Variants in BTN1A1 observed in about 807,000 individuals in gnomAD.
BTN1A1 encodes the protein bK14H9.2 (butyrophilin, subfamily 1, member A1).
Under a neutral mutation model 33.1 loss-of-function variants are expected in BTN1A1, and 26 were observed. That is an observed-to-expected ratio of 0.79 (90% CI 0.58 to 1.09). The LOEUF (loss-of-function observed/expected upper bound fraction) is 1.09, where lower values mean the gene tolerates loss of function less well. Ranked by LOEUF, BTN1A1 falls within the 50% of genes least tolerant of loss-of-function variation. The pLI, the probability that BTN1A1 is intolerant of heterozygous loss-of-function variation, is 0.00. For missense variants in BTN1A1, 558 were observed against 655.7 expected (o/e 0.85, Z 1.63); for synonymous variants, 235 against 256.2 (o/e 0.92, Z 0.79).
At position 26,505,175 on chromosome 6, in the gene BTN1A1, C is replaced by A. The variant is rs3736782; in HGVS notation, c.678C>A (p.Gly226=). The A allele has an allele frequency of 0.49, 784,698 of 1,611,262 alleles. 194,102 individuals are homozygous for A. Among genetic ancestry groups the A allele is most frequent in the East Asian group, 0.73 (32,934 of 44,834 alleles). ...VSCYIQNLLL[G]QEKKVEISIP... is the part of the protein sequence containing the mutation. Reference sequence around the variant, plus strand: ...GCTACATCCAGAATCTCCTTCTTGGCCAGGAGAAGAAAGTAGAAATATCCA... The same window carrying A: ...GCTACATCCAGAATCTCCTTCTTGGACAGGAGAAGAAAGTAGAAATATCCA... The change falls in exon 4 of 8, where the codon GGC becomes GGA. Residue 226 remains glycine, a synonymous_variant. Transcript: ENST00000684113.
chr6:26,502,753 G>C (rs1763819792), intron 3 of BTN1A1, among the ~76,000 whole-genome samples: 1 of 152,066 alleles, frequency 6.6e-6, no homozygotes, highest in Non-Finnish European at 1.5e-5. Context: ...CACACTTTAA[G>C]GCTGGCTTAT....
Position 26,501,819 on chromosome 6 carries a change from C to T in BTN1A1, c.309C>T (p.Ala103=). The stretch of plus-strand genomic sequence containing the variant: ...CGACGCTGGTCCAGGACGGCATCGC[C>T]AAGGGGCGCGTGGCCTTGAGGATCC... ...GRATLVQDGI[A]KGRVALRIRG... Residue 103 remains alanine, a synonymous_variant, in exon 3 of 8, where the codon GCC becomes GCT. Coordinates refer to ENST00000684113, the MANE Select transcript of BTN1A1 (RefSeq NM_001732.3). This position sits in a 1 kb window ranked among gnomAD's most constrained non-coding sequence, Gnocchi z 5.2. 6.2e-7 allele frequency: 1 copy of T among 1,612,756 alleles called. No homozygotes were observed.
At chr6:26,505,945 C>T (rs1396936218) in intron 4 of BTN1A1, among the ~76,000 whole-genome samples, 2 of 151,764 alleles carry the variant, frequency 1.3e-5, no homozygotes, top group Admixed American at 6.6e-5. Context: ...GGTGAAACCC[C>T]GCCTCTACTA....
chr6:26,508,138 T>A, intron 7 of BTN1A1, 51 bp downstream of exon 7: 1 of 1,544,438 alleles, frequency 6.5e-7, no homozygotes, highest in Non-Finnish European at 8.8e-7. Context: ...CCCCTAGGAA[T>A]TCAAAGTGCT....
chr6:26,501,685 G>T lies in BTN1A1; in HGVS notation c.175G>T (p.Glu59Ter). 1 of 1,614,026 alleles carries T rather than the reference G, an allele frequency of 6.2e-7. No homozygotes were observed. ...TCGCCTGTCTCCGAACGCGAGCGCC[G>T]AGCACTTGGAGCTACGCTGGTTCCG... is the stretch of plus-strand genomic sequence containing the variant. The part of the protein sequence containing the change: ...PCRLSPNASA[E>*]HLELRWFRKK... Residue 59 changes from glutamate to a stop codon, truncating the protein, a stop_gained, in exon 3 of 8, where the codon GAG (glutamate) becomes TAG (stop). Coordinates refer to ENST00000684113, the MANE Select transcript of BTN1A1 (RefSeq NM_001732.3). LOFTEE classifies it high-confidence loss of function. The surrounding 1 kb of genome is among the most constrained non-coding windows in gnomAD (Gnocchi z 5.2).
intron 3 of BTN1A1, among the ~76,000 whole-genome samples, chr6:26,503,271 A>C (rs1359123472): frequency 1.3e-5 from 2 of 152,072 alleles, no homozygotes; most frequent in Non-Finnish European, 2.9e-5. Flanking sequence ...CTCACTTTTG[A>C]TCAGGATATT....
intron 7 of BTN1A1, 79 bp downstream of exon 7, chr6:26,508,166 AAACACT>A: frequency 4.8e-6 from 7 of 1,463,126 alleles, no homozygotes; most frequent in Non-Finnish European, 6.5e-6. Flanking sequence ...TTGGAAATGA[AAACACT>A]AACACTTTAG....
At chr6:26,506,167 T>A (rs1165131451) in intron 4 of BTN1A1, among the ~76,000 whole-genome samples, 1 of 151,804 alleles carries the variant, frequency 6.6e-6, no homozygotes, top group African/African-American at 2.4e-5. Context: ...CTTTTGCCAT[T>A]TCCACCCATA....
chr6:26,507,320 TGG>T (rs921283928), intron 5 of BTN1A1, among the ~76,000 whole-genome samples: 15 of 152,158 alleles, frequency 9.9e-5, no homozygotes, highest in African/African-American at 3.4e-4. Context: ...CACAGAGGAT[TGG>T]GGCATAGGCA....
chr6:26,505,640 G>A (rs1763859651), intron 4 of BTN1A1, among the ~76,000 whole-genome samples: 1 of 152,050 alleles, frequency 6.6e-6, no homozygotes, highest in African/African-American at 2.4e-5. Flanking sequence ...TCCCCAGGCT[G>A]GTCTTGAACT....
chr6:26,510,293 C>A lies in BTN1A1; in HGVS notation c.*1119C>A, dbSNP rs962867285. 2.6e-5 allele frequency: 4 copies of A among 152,432 alleles called. No individual in the cohort carries two copies. The highest frequency in any genetic ancestry group is 2.0e-4 in the Admixed American group (3 of 15,292). The allele number at this position is 152,432 out of a possible 1,614,324, so 9.4% of individuals were successfully genotyped here. A position where few individuals can be genotyped will look rare whatever the true frequency, so the allele number is the denominator to read the frequency against. On this transcript the variant is annotated 3_prime_UTR_variant, in exon 8 of 8. Coordinates refer to ENST00000684113, the MANE Select transcript of BTN1A1 (RefSeq NM_001732.3). ...CTGTGTATTTGCCCCTGAGCACTTT[C>A]CTTTACACATGTGGCTTGTCTTGCC...
At chr6:26,504,648 C>T (rs1182161927) in intron 3 of BTN1A1, among the ~76,000 whole-genome samples, 5 of 151,966 alleles carry the variant, frequency 3.3e-5, no homozygotes, top group Admixed American at 3.3e-4. Context: ...CCACCATGCC[C>T]AAAGAGATGG....
chr6:26,501,230 G>C lies in BTN1A1; in HGVS notation c.-57G>C. 7.0e-7 allele frequency: 1 copy of C among 1,422,152 alleles called. No homozygotes were observed. The highest frequency in any genetic ancestry group is 9.8e-7 in the Non-Finnish European group (1 of 1,023,946). 88.1% of individuals were successfully genotyped at this position (1,422,152 alleles called of 1,614,324 possible). On this transcript the variant is annotated splice_region_variant and 5_prime_UTR_variant, in exon 2 of 8. Transcript: ENST00000684113. This position sits in a 1 kb window ranked among gnomAD's most constrained non-coding sequence, Gnocchi z 5.2. ...TGTCTCCTGTCCATTCATCTCCTAG[G>C]CTGAAGCTCCTGAGGGGACTCACAT...
chr6:26,502,095 G>T (rs1423349533), intron 3 of BTN1A1, among the ~76,000 whole-genome samples, 158 bp downstream of exon 3: 1 of 152,114 alleles, frequency 6.6e-6, no homozygotes, highest in African/African-American at 2.4e-5. Context: ...GCGAGGGGGG[G>T]TAAAAGAATT....
At chr6:26,505,448 G>GTC (rs1763856933) in intron 4 of BTN1A1, among the ~76,000 whole-genome samples, 1 of 152,142 alleles carries the variant, frequency 6.6e-6, no homozygotes, top group South Asian at 2.1e-4. Flanking sequence ...TTGAGACAGT[G>GTC]TCTCACTCTG....
At chr6:26,507,823 C>A in intron 5 of BTN1A1, 127 bp from the exon 6 acceptor site, 1 of 946,698 alleles carries the variant, frequency 1.1e-6, no homozygotes. Flanking sequence ...GATTTATTGG[C>A]AATGCTTCAA....
At chr6:26,508,008 T>C in intron 6 of BTN1A1, 38 bp downstream of exon 6, 1 of 1,613,414 alleles carries the variant, frequency 6.2e-7, no homozygotes, top group Non-Finnish European at 8.5e-7. Flanking sequence ...CCACAGAGTT[T>C]TCTCTCTCTT....
In BTN1A1 at chr6:26,501,661, C is replaced by A; in HGVS notation, c.151C>A (p.Arg51Ser). The A allele has an allele frequency of 6.2e-7, 1 of 1,614,022 alleles. No homozygotes were observed. Among genetic ancestry groups the A allele is most frequent in the Non-Finnish European group, 8.5e-7 (1 of 1,179,988 alleles). ...VVGEDAELPC[R>S]LSPNASAEHL... The stretch of plus-strand genomic sequence containing the variant: ...GGGTGAGGACGCCGAGCTGCCCTGT[C>A]GCCTGTCTCCGAACGCGAGCGCCGA... Residue 51 changes from arginine (R) to serine (S), a missense_variant, in exon 3 of 8, where the codon CGC becomes AGC. By Grantham distance (110) the Arg-to-Ser change is moderately radical. Coordinates refer to ENST00000684113, the MANE Select transcript of BTN1A1 (RefSeq NM_001732.3). The surrounding 1 kb of genome is among the most constrained non-coding windows in gnomAD (Gnocchi z 5.2).
Position 26,509,100 on chromosome 6 carries a change from G to C in BTN1A1, c.1507G>C (p.Asp503His). Residue 503 changes from aspartate (D) to histidine (H), a missense_variant, in exon 8 of 8, where the codon GAC becomes CAC. Coordinates refer to ENST00000684113, the MANE Select transcript of BTN1A1 (RefSeq NM_001732.3). Reference sequence around the variant, plus strand: ...GATCCCATTGTCCCCCATGGGGGAGGACTCTGCCCCTAGGGATGCAGACAC... The same window carrying C: ...GATCCCATTGTCCCCCATGGGGGAGCACTCTGCCCCTAGGGATGCAGACAC... ...KEIPLSPMGEDSAPRDADTLH... is the reference protein window; with the variant it reads ...KEIPLSPMGEHSAPRDADTLH... 6.2e-7 allele frequency: 1 copy of C among 1,613,836 alleles called. No homozygotes were observed. The highest frequency in any genetic ancestry group is 8.5e-7 in the Non-Finnish European group (1 of 1,179,810).
Sources: allele counts gnomAD v4.1 joint callset (sites outside exome capture counted in the v4.1 genomes callset), GRCh38; gene constraint gnomAD v4.1.1; non-coding constraint Gnocchi (gnomAD v3.1); transcripts MANE v1.5; gene names NCBI Gene and HGNC (gene_info 2026-07-23, HGNC 2026-07-21).